Variants in CNTN6 observed in about 807,000 individuals in gnomAD.
The protein encoded by CNTN6 is contactin 6.
A neutral mutation model predicts 122.8 loss-of-function variants in CNTN6; 137 were observed. The observed-to-expected ratio is 1.12, with a 90% confidence interval of 0.97 to 1.29. The LOEUF (loss-of-function observed/expected upper bound fraction) is 1.29, where lower values mean the gene tolerates loss of function less well. Ranked by LOEUF, CNTN6 falls within the 50% of genes most tolerant of loss-of-function variation. The pLI, the probability that CNTN6 is intolerant of heterozygous loss-of-function variation, is 0.00. For synonymous variants in CNTN6, 570 were observed against 426.0 expected, an observed-to-expected ratio of 1.34 and a Z score of -4.16; for missense variants, 1,634 against 1,223.4, an observed-to-expected ratio of 1.34 and a Z score of -5.01.
chr3:1,387,134 G>C (rs1444834407), intron 20 of CNTN6, among the ~76,000 whole-genome samples: 2 of 151,184 alleles, frequency 1.3e-5, no homozygotes, highest in Admixed American at 6.6e-5. Flanking sequence ...AATTATCTCT[G>C]TCCTCACTCC....
Position 1,403,685 on chromosome 3 carries a change from C to T in CNTN6, c.*267C>T, listed in dbSNP as rs1009943713. On this transcript the variant is annotated 3_prime_UTR_variant, in exon 23 of 23. Transcript: ENST00000446702. The stretch of plus-strand genomic sequence containing the variant: ...TGTAACTGCTGTGTCTTTTAAGTTA[C>T]TTATATGGAGAAAATAAATAACTCC... 1 of 231,276 alleles carries T rather than the reference C, an allele frequency of 4.3e-6. No homozygotes were observed. The highest frequency in any genetic ancestry group is 8.7e-5 in the East Asian group (1 of 11,458). The allele number at this position is 231,276 out of a possible 1,614,324, so 14.3% of individuals were successfully genotyped here.
chr3:1,278,157 G>A (rs954390367), intron 4 of CNTN6, among the ~76,000 whole-genome samples: 1 of 152,158 alleles, frequency 6.6e-6, no homozygotes, highest in South Asian at 2.1e-4. Context: ...AGGCTACACT[G>A]TCTGGAAGAA....
At chr3:1,324,138 G>T (rs1199757203) in intron 8 of CNTN6, among the ~76,000 whole-genome samples, 1 of 149,456 alleles carries the variant, frequency 6.7e-6, no homozygotes, top group Non-Finnish European at 1.5e-5. Flanking sequence ...CCTCAAGGCT[G>T]CAGGAAGCAC....
chr3:1,227,902 C>G lies in CNTN6; in HGVS notation c.267C>G (p.Pro89=), dbSNP rs372266001. The change falls in exon 4 of 23, where the codon CCC becomes CCG. Residue 89 remains proline, a synonymous_variant. Transcript: ENST00000446702. ...LDGGSLAINS[P]HTDQDIGMYQ... ...GAGGCAGTCTTGCAATCAATAGCCCCCACACAGATCAAGATATTGGCATGT... is the reference window on the plus strand; with the variant it reads ...GAGGCAGTCTTGCAATCAATAGCCCGCACACAGATCAAGATATTGGCATGT... 2 of 1,613,884 alleles carry G rather than the reference C, an allele frequency of 1.2e-6. No individual in the cohort carries two copies. Among genetic ancestry groups the G allele is most frequent in the Non-Finnish European group, 1.7e-6 (2 of 1,179,962 alleles).
intron 4 of CNTN6, among the ~76,000 whole-genome samples, chr3:1,266,396 A>G: frequency 6.6e-6 from 1 of 152,142 alleles, no homozygotes; most frequent in African/African-American, 2.4e-5. Context: ...CCCGAATTCC[A>G]GTTGTGGAAG....
rs62229416 is a variant in CNTN6 at position 1,227,996 on chromosome 3, G to A, written c.358+3G>A. 0.091 allele frequency: 146,535 copies of A among 1,610,444 alleles called. 7,339 individuals are homozygous for A. The highest frequency in any genetic ancestry group is 0.1 in the Non-Finnish European group (119,209 of 1,178,060). ...GAAGGCAAAGCTCCAATTTGCATGT[G>A]AGTTTGGGGTAAATTTTGTAATCTT... On this transcript the variant is annotated splice_donor_region_variant and intron_variant, in intron 4 of 22. Coordinates refer to ENST00000446702, the MANE Select transcript of CNTN6 (RefSeq NM_001289080.2).
chr3:1,190,465 G>A (rs1056363777), intron 2 of CNTN6, among the ~76,000 whole-genome samples: 2 of 152,068 alleles, frequency 1.3e-5, no homozygotes, highest in South Asian at 2.1e-4. Flanking sequence ...TTGTATCATC[G>A]TTTTAGGCTT....
chr3:1,399,812 C>T (rs998252137), intron 20 of CNTN6, among the ~76,000 whole-genome samples: 1 of 152,096 alleles, frequency 6.6e-6, no homozygotes, highest in African/African-American at 2.4e-5. Context: ...TTGAGTAAGG[C>T]ACTTGCCCTC....
chr3:1,151,127 T>C (rs936246185), intron 2 of CNTN6, among the ~76,000 whole-genome samples: 2 of 152,156 alleles, frequency 1.3e-5, no homozygotes, highest in African/African-American at 4.8e-5. Context: ...ATATGTACTG[T>C]TTTAAGCCAT....
Position 1,327,549 on chromosome 3 carries a change from T to G in CNTN6, c.1176T>G (p.Tyr392Ter), listed in dbSNP as rs765196761. 1 of 1,610,742 alleles carries G rather than the reference T, an allele frequency of 6.2e-7. No individual in the cohort carries two copies. The highest frequency in any genetic ancestry group is 2.2e-5 in the East Asian group (1 of 44,656). The change falls in exon 10 of 23, where the codon TAT (tyrosine) becomes TAG (stop). Residue 392 changes from tyrosine to a stop codon, truncating the protein, a stop_gained. Coordinates refer to ENST00000446702, the MANE Select transcript of CNTN6 (RefSeq NM_001289080.2). LOFTEE classifies it high-confidence loss of function. ...GVYQCAAENK[Y>*]QIIYANAELR... ...ACCAATGTGCTGCAGAAAACAAATA[T>G]CAGATAATTTATGCAAATGCTGAAT...
intron 11 of CNTN6, among the ~76,000 whole-genome samples, chr3:1,330,470 G>C (rs773677850): frequency 6.6e-6 from 1 of 151,634 alleles, no homozygotes; most frequent in African/African-American, 2.4e-5. Context: ...AGGAGACTTT[G>C]ACAAAAGAAA....
chr3:1,158,652 A>C (rs1331667613), intron 2 of CNTN6, among the ~76,000 whole-genome samples: 1 of 151,168 alleles, frequency 6.6e-6, no homozygotes, highest in Non-Finnish European at 1.5e-5. Flanking sequence ...AGCTCACTGC[A>C]CCCTCAAATT....
At chr3:1,142,626 A>G in intron 1 of CNTN6, among the ~76,000 whole-genome samples, 1 of 152,088 alleles carries the variant, frequency 6.6e-6, no homozygotes, top group East Asian at 1.9e-4. Flanking sequence ...CAGATAATAA[A>G]TATTTTCAGC....
chr3:1,115,141 A>G (rs2091661120), intron 1 of CNTN6, among the ~76,000 whole-genome samples: 1 of 152,204 alleles, frequency 6.6e-6, no homozygotes, highest in Non-Finnish European at 1.5e-5. Flanking sequence ...TGAAAGACAC[A>G]TAAATATAAA....
chr3:1,181,524 A>G (rs1448499726), intron 2 of CNTN6, among the ~76,000 whole-genome samples: 1 of 152,164 alleles, frequency 6.6e-6, no homozygotes, highest in East Asian at 1.9e-4. Context: ...TGTATTTTTA[A>G]TGAGCCGAAT....
chr3:1,339,152 A>G (rs1703527038), intron 11 of CNTN6, among the ~76,000 whole-genome samples: 1 of 151,714 alleles, frequency 6.6e-6, no homozygotes, highest in Non-Finnish European at 1.5e-5. Context: ...AATGAAATGT[A>G]TGCAAGAAAA....
intron 12 of CNTN6, among the ~76,000 whole-genome samples, chr3:1,354,207 A>G (rs1706159262): frequency 6.6e-6 from 1 of 151,250 alleles, no homozygotes; most frequent in Admixed American, 6.6e-5. Context: ...CATATTTCAG[A>G]TGTGTAATAT....
chr3:1,128,333 A>G (rs761976568), intron 1 of CNTN6: 4 of 151,976 alleles, frequency 2.6e-5, no homozygotes, highest in Non-Finnish European at 5.9e-5. Context: ...TGAGGCCAAG[A>G]GGGAGTGAAG....
At chr3:1,178,192 C>T (rs967552602) in intron 2 of CNTN6, among the ~76,000 whole-genome samples, 16 of 152,122 alleles carry the variant, frequency 1.1e-4, no homozygotes, top group African/African-American at 2.7e-4. Flanking sequence ...TGAGCCACCA[C>T]GCCCGGCCTC....
Sources: gnomAD v4.1 joint callset for allele counts (sites outside exome capture counted in the v4.1 genomes callset) on GRCh38, gnomAD v4.1.1 for gene constraint, MANE v1.5 for transcripts, NCBI Gene and HGNC (gene_info 2026-07-23, HGNC 2026-07-21) for gene names.